Variants in PYROXD1 observed in about 807,000 individuals in gnomAD.
PYROXD1 encodes pyridine nucleotide-disulphide oxidoreductase domain 1.
A neutral mutation model predicts 62.0 loss-of-function variants in PYROXD1; 42 were observed. The ratio of observed to expected loss-of-function variants is 0.68; its 90% CI spans 0.53 to 0.88. The LOEUF is 0.88. Among genes scored for constraint, PYROXD1 ranks in the 40% least tolerant of loss-of-function variants. The pLI, the probability that PYROXD1 is intolerant of heterozygous loss-of-function variation, is 0.00. For missense variants in PYROXD1, 493 were observed against 604.8 expected (o/e 0.82, Z 1.94); for synonymous variants, 170 against 206.4 (o/e 0.82, Z 1.51).
intron 2 of PYROXD1, among the ~76,000 whole-genome samples, chr12:21,444,643 A>G (rs770406124): frequency 2.7e-5 from 4 of 150,350 alleles, no homozygotes; most frequent in Non-Finnish European, 5.9e-5. Flanking sequence ...AGGTTCTTAC[A>G]TAATTTGTAA....
chr12:21,467,590 C>A lies in PYROXD1; in HGVS notation c.1226C>A (p.Ala409Asp), dbSNP rs947837578. The change falls in exon 11 of 12, where the codon GCT becomes GAT. Residue 409 changes from alanine to aspartate, a missense_variant. Ala to Asp is a moderately radical substitution (Grantham distance 126). Transcript: ENST00000240651. ...IDMDFSFELFAHVTKFFNYKV... is the reference protein window; with the variant it reads ...IDMDFSFELFDHVTKFFNYKV... ...ATGGATTTCAGCTTTGAACTGTTTGCTCATGTGACAAAATTTTTTAACTAT... is the reference window on the plus strand; with the variant it reads ...ATGGATTTCAGCTTTGAACTGTTTGATCATGTGACAAAATTTTTTAACTAT... 1 of 1,611,262 alleles carries A rather than the reference C, an allele frequency of 6.2e-7. No homozygotes were observed. The highest frequency in any genetic ancestry group is 2.2e-5 in the East Asian group (1 of 44,756).
chr12:21,448,268 G>A (rs1942429663), intron 3 of PYROXD1: 1 of 380,054 alleles, frequency 2.6e-6, no homozygotes, highest in South Asian at 5.7e-5. Flanking sequence ...AACTTCAGTA[G>A]TTTCCTAGTG....
In PYROXD1 at chr12:21,461,108, G is replaced by C. The variant is rs147541231; in HGVS notation, c.834G>C (p.Lys278Asn). The C allele has an allele frequency of 2.6e-4, 419 of 1,589,852 alleles. 2 individuals are homozygous for C. The African/African-American group carries it at 5.0e-3, about 19-fold the overall frequency. The change falls in exon 8 of 12, where the codon AAG (lysine) becomes AAC (asparagine). Residue 278 changes from lysine (K) to asparagine (N), a missense_variant. Lys to Asn is a moderately conservative substitution (Grantham distance 94). Transcript: ENST00000240651. Reference sequence around the variant, plus strand: ...ATGAGTTTAGAATTTTGAAGAAAAAGTCCTTCACTTTTCCAAGAGACCATA... The same window carrying C: ...ATGAGTTTAGAATTTTGAAGAAAAACTCCTTCACTTTTCCAAGAGACCATA... Reference protein sequence around the residue: ...LQDEFRILKKKSFTFPRDHKS... With the variant: ...LQDEFRILKKNSFTFPRDHKS...
rs977438638 is a variant in PYROXD1, at chr12:21,446,872, G to A, written c.285+1406G>A. 4.0e-5 allele frequency among the ~76,000 whole-genome samples: 6 copies of A among 150,626 alleles called. No individual in the cohort carries two copies. In the South Asian group the frequency reaches 1.1e-3, roughly 27 times the overall value. ...CAAGGCTGCAGTTAGCTGTGATTGC[G>A]CCACTGCACTCCAGCCTGGGCAACA... On this transcript the variant is annotated intron_variant, in intron 3 of 11. Transcript: ENST00000240651.
chr12:21,446,765 G>A (rs561356202), intron 3 of PYROXD1, among the ~76,000 whole-genome samples: 1 of 151,762 alleles, frequency 6.6e-6, no homozygotes, highest in African/African-American at 2.4e-5. Context: ...TATACAAAAA[G>A]TTAATCAGGC....
At chr12:21,451,164 T>C (rs1370749683) in intron 4 of PYROXD1, among the ~76,000 whole-genome samples, 2 of 152,064 alleles carry the variant, frequency 1.3e-5, no homozygotes, top group Non-Finnish European at 2.9e-5. Flanking sequence ...GATGTCATTC[T>C]GAAGCAGTGG....
At chr12:21,444,131 T>C (rs888927860) in intron 2 of PYROXD1, among the ~76,000 whole-genome samples, 1 of 152,200 alleles carries the variant, frequency 6.6e-6, no homozygotes, top group African/African-American at 2.4e-5. Flanking sequence ...AGGCCTCTTA[T>C]TTACTGGTCG....
At chr12:21,459,130 T>C (rs776837015) in intron 7 of PYROXD1, among the ~76,000 whole-genome samples, 1 of 152,230 alleles carries the variant, frequency 6.6e-6, no homozygotes, top group Non-Finnish European at 1.5e-5. Context: ...GGTTAGCCCC[T>C]AGGTGGCTTC....
At chr12:21,456,947 A>C in intron 7 of PYROXD1, 2 of 438,208 alleles carry the variant, frequency 4.6e-6, no homozygotes, top group South Asian at 1.6e-5. Context: ...ACAACAACTC[A>C]TCTTTTCAAA....
rs985089237 is a variant in PYROXD1, at chr12:21,440,558, A to G, written c.165+110A>G. ...TTCTTTCTTAAAAATTGACAAGTAC[A>G]GTTATATGCTGTACAACATGATGTT... On this transcript the variant is annotated intron_variant, in intron 2 of 11. Coordinates refer to ENST00000240651, the MANE Select transcript of PYROXD1 (RefSeq NM_024854.5). 7 of 627,846 alleles carry G rather than the reference A, an allele frequency of 1.1e-5. No homozygotes were observed. In the African/African-American group the frequency reaches 1.1e-4, roughly 10 times the overall value. The allele number at this position is 627,846 out of a possible 1,614,324, so 38.9% of individuals were successfully genotyped here.
chr12:21,438,158 T>C, intron 1 of PYROXD1: 1 of 217,022 alleles, frequency 4.6e-6, no homozygotes, highest in Middle Eastern at 1.7e-3. Flanking sequence ...TCTTTTTCTT[T>C]GAGACGGAGT....
chr12:21,462,814 C>G lies in PYROXD1; in HGVS notation c.1068C>G (p.Ala356=), dbSNP rs757758245. ...MHTSLPDIYA[A]GDICTTSWQL... Reference sequence around the variant, plus strand: ...CATCCCTTCCTGATATCTATGCTGCCGGTGACATCTGTACTACATCCTGGC... The same window carrying G: ...CATCCCTTCCTGATATCTATGCTGCGGGTGACATCTGTACTACATCCTGGC... Residue 356 remains alanine (A), a synonymous_variant, in exon 10 of 12, where the codon GCC becomes GCG. Transcript: ENST00000240651. The G allele has an allele frequency of 8.1e-6, 13 of 1,613,752 alleles. No homozygotes were observed. The highest frequency in any genetic ancestry group is 1.3e-5 in the African/African-American group (1 of 74,836).
At chr12:21,465,088 G>A (rs1407315253) in intron 10 of PYROXD1, among the ~76,000 whole-genome samples, 2 of 152,110 alleles carry the variant, frequency 1.3e-5, no homozygotes, top group Non-Finnish European at 1.5e-5. Context: ...ATTTGGGTTG[G>A]TTCCAAGTCT....
chr12:21,454,054 G>A (rs570277376), intron 5 of PYROXD1, among the ~76,000 whole-genome samples: 20 of 151,808 alleles, frequency 1.3e-4, no homozygotes, highest in Non-Finnish European at 2.2e-4. Flanking sequence ...GAAAAACGAA[G>A]ACTTATTAGG....
chr12:21,457,866 T>G (rs78169106), intron 7 of PYROXD1, among the ~76,000 whole-genome samples: 4,882 of 152,296 alleles, frequency 0.032, 113 homozygotes, highest in Middle Eastern at 0.068. Context: ...CAATTTGATA[T>G]GAGATTTGGG....
chr12:21,455,940 A>C (rs931425499), intron 6 of PYROXD1, 55 bp from the exon 7 acceptor site: 1 of 1,152,850 alleles, frequency 8.7e-7, no homozygotes, highest in African/African-American at 1.6e-5. Flanking sequence ...ACTTCAGAAC[A>C]CTAACATATT....
At chr12:21,440,279 T>A (rs1320162051) in intron 1 of PYROXD1, 89 bp from the exon 2 acceptor site, 1 of 699,530 alleles carries the variant, frequency 1.4e-6, no homozygotes, top group East Asian at 2.7e-5. Context: ...ATTACATTAT[T>A]AAAATTGCAT....
intron 10 of PYROXD1, among the ~76,000 whole-genome samples, chr12:21,465,432 AT>A (rs1423722556): frequency 6.6e-6 from 1 of 151,392 alleles, no homozygotes; most frequent in Admixed American, 6.6e-5. Flanking sequence ...GATGATGAGC[AT>A]TTTTTCATTT....
chr12:21,452,258 G>T, intron 5 of PYROXD1, 104 bp downstream of exon 5: 1 of 758,466 alleles, frequency 1.3e-6, no homozygotes, highest in Non-Finnish European at 1.9e-6. Flanking sequence ...TTGGCAGACT[G>T]GAAAATGTTT....
Sources: allele counts gnomAD v4.1 joint callset (sites outside exome capture counted in the v4.1 genomes callset), GRCh38; gene constraint gnomAD v4.1.1; transcripts MANE v1.5; gene names NCBI Gene and HGNC (gene_info 2026-07-23, HGNC 2026-07-21).